The following MED12L variants were observed in gnomAD, a reference collection of about 807,000 sequenced individuals.
MED12L encodes the protein mediator of RNA polymerase II transcription subunit 12-like protein.
Under a neutral mutation model 281.3 loss-of-function variants are expected in MED12L, and 60 were observed. The observed-to-expected ratio is 0.21, with a 90% CI of 0.17 to 0.26. The LOEUF is 0.26. MED12L is among the 10% of genes least tolerant of loss of function. The pLI, the probability that MED12L is intolerant of heterozygous loss-of-function variation, is 1.00. For synonymous variants in MED12L, 974 were observed against 987.2 expected (o/e 0.99, Z 0.25); for missense variants, 2,146 against 2,680.9 (o/e 0.80, Z 4.41).
intron 8 of MED12L, among the ~76,000 whole-genome samples, chr3:151,161,610 T>C (rs973264098): frequency 2.1e-4 from 32 of 152,214 alleles, no homozygotes; most frequent in African/African-American, 6.5e-4. Flanking sequence ...GCATTTATTA[T>C]GGTCTAGGCA....
rs1756939874 is a variant in MED12L, at chr3:151,377,046, C to T, written c.4184C>T (p.Thr1395Ile). The T allele has an allele frequency of 6.2e-7, 1 of 1,613,964 alleles. No homozygotes were observed. The highest frequency in any genetic ancestry group is 1.3e-5 in the African/African-American group (1 of 74,928). ...TTACTGGACAATATTGCAAAGGCAA[C>T]AATAGAGGTATTCCAGCAGTCTGCA... The part of the protein sequence containing the change: ...NNLLDNIAKA[T>I]IEVFQQSADL... Residue 1395 changes from threonine to isoleucine, a missense_variant, in exon 30 of 45, where the codon ACA becomes ATA. Coordinates refer to ENST00000687756, the MANE Select transcript of MED12L (RefSeq NM_001393769.1).
intron 16 of MED12L, among the ~76,000 whole-genome samples, chr3:151,301,333 G>A (rs1745892576): frequency 6.6e-6 from 1 of 152,142 alleles, no homozygotes; most frequent in African/African-American, 2.4e-5. Context: ...AACATTTCAA[G>A]GAAATTGCCT....
chr3:151,143,273 C>T (rs1717307226), intron 5 of MED12L, among the ~76,000 whole-genome samples: 1 of 152,182 alleles, frequency 6.6e-6, no homozygotes. Flanking sequence ...AGACTCTTAG[C>T]TGTCTAAAGC....
intron 5 of MED12L, among the ~76,000 whole-genome samples, chr3:151,137,895 G>C (rs1178203030): frequency 2.0e-5 from 3 of 151,550 alleles, no homozygotes; most frequent in Admixed American, 2.0e-4. Flanking sequence ...TCCATTTTAG[G>C]GTTTGATTTT....
chr3:151,404,585 T>C (rs1577573209), intron 39 of MED12L, among the ~76,000 whole-genome samples: 1 of 152,242 alleles, frequency 6.6e-6, no homozygotes, highest in Non-Finnish European at 1.5e-5. Context: ...CTAGGAGTTA[T>C]AAATAAAACC....
intron 35 of MED12L, chr3:151,384,610 T>TA (rs945267952): frequency 2.8e-4 from 53 of 186,968 alleles, no homozygotes; most frequent in Middle Eastern, 2.1e-3. Context: ...CAGACTCCTT[T>TA]AAAAAAAAAT....
At chr3:151,246,020 A>G (rs1735373028) in intron 16 of MED12L, among the ~76,000 whole-genome samples, 2 of 151,040 alleles carry the variant, frequency 1.3e-5, no homozygotes, top group Non-Finnish European at 3.0e-5. Flanking sequence ...CCCATTCACA[A>G]TTGCTTCAAA....
At chr3:151,368,722 T>TTCATG (rs59259466) in intron 25 of MED12L, among the ~76,000 whole-genome samples, 5 of 80,020 alleles carry the variant, frequency 6.2e-5, no homozygotes, top group East Asian at 3.0e-4. Context: ...TTCATTTCAT[T>TTCATG]TCATTTCATT....
At chr3:151,226,132 G>A (rs573989512) in intron 16 of MED12L, among the ~76,000 whole-genome samples, 1 of 152,326 alleles carries the variant, frequency 6.6e-6, no homozygotes, top group East Asian at 1.9e-4. Context: ...CATCATTGAA[G>A]GAGGAAGCAC....
intron 2 of MED12L, among the ~76,000 whole-genome samples, chr3:151,092,249 G>A (rs1264867950): frequency 6.6e-6 from 1 of 152,220 alleles, no homozygotes; most frequent in Non-Finnish European, 1.5e-5. Flanking sequence ...GGCCTTCCTT[G>A]CAGCCTGTCT....
chr3:151,388,218 A>G, intron 37 of MED12L, 46 bp downstream of exon 37: 1 of 1,541,230 alleles, frequency 6.5e-7, no homozygotes, highest in African/African-American at 1.4e-5. Flanking sequence ...AGCATTTAGT[A>G]TGAGATTTAC....
chr3:151,167,282 A>G (rs1379251510), intron 11 of MED12L, among the ~76,000 whole-genome samples: 1 of 152,222 alleles, frequency 6.6e-6, no homozygotes, highest in Non-Finnish European at 1.5e-5. Context: ...TTTGGGGAGA[A>G]ATAAAAAGTT....
At chr3:151,259,802 G>C (rs1738518810) in intron 16 of MED12L, among the ~76,000 whole-genome samples, 1 of 152,158 alleles carries the variant, frequency 6.6e-6, no homozygotes, top group African/African-American at 2.4e-5. Context: ...CTGGTTTATA[G>C]TTCTTGCCCC....
At chr3:151,298,492 G>T (rs560062247) in intron 16 of MED12L, among the ~76,000 whole-genome samples, 1 of 152,276 alleles carries the variant, frequency 6.6e-6, no homozygotes, top group South Asian at 2.1e-4. Context: ...GTATTCTCTG[G>T]ATTGTATAGT....
intron 2 of MED12L, among the ~76,000 whole-genome samples, chr3:151,112,715 T>C (rs1712111046): frequency 1.3e-5 from 2 of 152,218 alleles, no homozygotes. Flanking sequence ...GAAATCGATG[T>C]TATAAAATGT....
At chr3:151,256,671 C>T (rs1046784065) in intron 16 of MED12L, among the ~76,000 whole-genome samples, 28 of 152,068 alleles carry the variant, frequency 1.8e-4, no homozygotes, top group African/African-American at 6.0e-4. Context: ...ATGAGTTTCT[C>T]GTATTTTAAG....
chr3:151,352,791 T>C (rs1175651466), intron 17 of MED12L, among the ~76,000 whole-genome samples: 1 of 152,188 alleles, frequency 6.6e-6, no homozygotes, highest in African/African-American at 2.4e-5. Flanking sequence ...GGTGTATCTT[T>C]TGAAAATATT....
chr3:151,144,217 C>G (rs1340276825), intron 5 of MED12L, among the ~76,000 whole-genome samples: 1 of 152,058 alleles, frequency 6.6e-6, no homozygotes, highest in Non-Finnish European at 1.5e-5. Context: ...TGCCGCATGC[C>G]TTAGCTTGAG....
At chr3:151,312,749 A>G (rs906546461) in intron 16 of MED12L, among the ~76,000 whole-genome samples, 1 of 152,218 alleles carries the variant, frequency 6.6e-6, no homozygotes, top group African/African-American at 2.4e-5. Flanking sequence ...TTACCTATGT[A>G]TATTTTAATT....
Sources: allele counts gnomAD v4.1 joint callset (sites outside exome capture counted in the v4.1 genomes callset), GRCh38; gene constraint gnomAD v4.1.1; transcripts MANE v1.5; gene names NCBI Gene and HGNC (gene_info 2026-07-23, HGNC 2026-07-21).